The following SLC35B4 variants were observed in gnomAD, a reference collection of about 807,000 sequenced individuals.
The protein encoded by SLC35B4 is solute carrier family 35 member B4.
Under a neutral mutation model 39.5 loss-of-function variants are expected in SLC35B4, and 28 were observed. The observed-to-expected ratio is 0.71, with a 90% CI of 0.53 to 0.97. The LOEUF is 0.97. SLC35B4 is among the 50% of genes least tolerant of loss of function. The pLI, the probability that SLC35B4 is intolerant of heterozygous loss-of-function variation, is 0.00. For missense variants in SLC35B4, 334 were observed against 414.3 expected, an observed-to-expected ratio of 0.81 and a Z score of 1.68; for synonymous variants, 145 against 150.4, an observed-to-expected ratio of 0.96 and a Z score of 0.26.
At chr7:134,319,088 G>T (rs1804057352), upstream of SLC35B4, among the ~76,000 whole-genome samples, 1 of 152,150 alleles carries the variant, frequency 6.6e-6, no homozygotes, top group African/African-American at 2.4e-5. Context: ...TTTGCTCAGA[G>T]AACTCTTGCT....
intron 1 of SLC35B4, among the ~76,000 whole-genome samples, chr7:134,316,265 C>T (rs1424200679): frequency 6.6e-6 from 1 of 152,160 alleles, no homozygotes; most frequent in Non-Finnish European, 1.5e-5. Flanking sequence ...GAAAAAAGAG[C>T]TAGAGTTGGA....
chr7:134,294,669 T>A lies in SLC35B4; in HGVS notation c.*164A>T, dbSNP rs890115128. On this transcript the variant is annotated 3_prime_UTR_variant, in exon 10 of 10. Transcript: ENST00000378509. ...CTGAGGGGTTTCTATTTAGTCTACA[T>A]GTGTCAGTCTGAGCAACGTGAGAAG... 19 of 758,784 alleles carry A rather than the reference T, an allele frequency of 2.5e-5. No individual in the cohort carries two copies. The Admixed American group carries it at 5.5e-4, about 22-fold the overall frequency. The allele number at this position is 758,784 out of a possible 1,614,324, so 47.0% of individuals were successfully genotyped here.
chr7:134,293,792 CTTTTTT>C lies in SLC35B4; in HGVS notation c.*1035_*1040del. The C allele has an allele frequency of 7.4e-6, 1 of 135,372 alleles. No homozygotes were observed. The highest frequency in any genetic ancestry group is 1.6e-5 in the Non-Finnish European group (1 of 61,894). The allele number at this position is 135,372 out of a possible 1,614,324, so 8.4% of individuals were successfully genotyped here. A position where few individuals can be genotyped will look rare whatever the true frequency, so the allele number is the denominator to read the frequency against. On this transcript the variant is annotated 3_prime_UTR_variant, in exon 10 of 10. Coordinates refer to ENST00000378509, the MANE Select transcript of SLC35B4 (RefSeq NM_032826.5). ...GGGTGTCCAGTCCATAACAACCTTT[CTTTTTT>C]TTTTTTTTTTTTGAGATAGAGTCTC...
At position 134,309,482 on chromosome 7, in the gene SLC35B4, G is replaced by A. The variant is rs1803785976; in HGVS notation, c.78-3C>T. On this transcript the variant is annotated splice_polypyrimidine_tract_variant and splice_region_variant and intron_variant, in intron 1 of 9. Transcript: ENST00000378509. ...TGTTCCCACATCCTGGATGCTTCCTGTATAGTGAATAATAAAAGAGGGGGT... is the reference window on the plus strand; with the variant it reads ...TGTTCCCACATCCTGGATGCTTCCTATATAGTGAATAATAAAAGAGGGGGT... The A allele has an allele frequency of 6.2e-7, 1 of 1,600,530 alleles. No homozygotes were observed. Among genetic ancestry groups the A allele is most frequent in the Non-Finnish European group, 8.5e-7 (1 of 1,173,446 alleles).
chr7:134,296,449 C>T lies in SLC35B4; in HGVS notation c.691G>A (p.Val231Ile), dbSNP rs201280825. 176 of 1,613,428 alleles carry T rather than the reference C, an allele frequency of 1.1e-4. No homozygotes were observed. Among genetic ancestry groups the T allele is most frequent in the South Asian group, 3.1e-4 (28 of 90,936 alleles). The change falls in exon 9 of 10, where the codon GTC (valine) becomes ATC (isoleucine). Residue 231 changes from valine (V) to isoleucine (I), a missense_variant. By Grantham distance (29) the Val-to-Ile change is conservative. Coordinates refer to ENST00000378509, the MANE Select transcript of SLC35B4 (RefSeq NM_032826.5). ...ATGATGGGCAGGGTCACTCCGATGA[C>T]GGGAATTTCATATAACTCTGTAGAG... ...FNKSELYEIP[V>I]IGVTLPIMWF...
intron 8 of SLC35B4, 134 bp from the exon 9 acceptor site, chr7:134,296,600 G>A (rs993483580): frequency 1.9e-5 from 12 of 624,848 alleles, no homozygotes; most frequent in African/African-American, 5.5e-5. Flanking sequence ...ATTGGATCAC[G>A]CATCACTTTA....
At chr7:134,300,427 T>C (rs1389164652) in intron 6 of SLC35B4, among the ~76,000 whole-genome samples, 166 bp from the exon 7 acceptor site, 2 of 152,246 alleles carry the variant, frequency 1.3e-5, no homozygotes, top group Non-Finnish European at 2.9e-5. Flanking sequence ...TCTAGTCCTT[T>C]ACAGCTTTCT....
chr7:134,299,506 T>C lies in SLC35B4; in HGVS notation c.673+17A>G. On this transcript the variant is annotated intron_variant, in intron 8 of 9. Transcript: ENST00000378509. ...CAGAAACTGTCAGGTAATTCTACTGTCTAACCCCAAACTCACCAGACTTAT... is the reference window on the plus strand; with the variant it reads ...CAGAAACTGTCAGGTAATTCTACTGCCTAACCCCAAACTCACCAGACTTAT... 1.2e-6 allele frequency: 2 copies of C among 1,604,536 alleles called. No homozygotes were observed. The highest frequency in any genetic ancestry group is 1.7e-6 in the Non-Finnish European group (2 of 1,171,584).
chr7:134,318,901 C>A (rs770186307), upstream of SLC35B4, among the ~76,000 whole-genome samples: 3 of 152,196 alleles, frequency 2.0e-5, no homozygotes, highest in Non-Finnish European at 4.4e-5. Flanking sequence ...ATGTTAATCA[C>A]TTGGGGATCT....
upstream of SLC35B4, among the ~76,000 whole-genome samples, chr7:134,318,559 G>T (rs902082517): frequency 6.6e-6 from 1 of 152,032 alleles, no homozygotes; most frequent in Non-Finnish European, 1.5e-5. Context: ...TGGACTATCT[G>T]GGAGTGAGGC....
At chr7:134,300,613 C>A (rs1006143296) in intron 6 of SLC35B4, among the ~76,000 whole-genome samples, 2 of 152,094 alleles carry the variant, frequency 1.3e-5, no homozygotes, top group Non-Finnish European at 2.9e-5. Flanking sequence ...GGATGTAGCA[C>A]ACTTAAATGT....
In SLC35B4 at chr7:134,293,057, C is replaced by A. The variant is rs1230632119; in HGVS notation, c.*1776G>T. On this transcript the variant is annotated 3_prime_UTR_variant, in exon 10 of 10. Coordinates refer to ENST00000378509, the MANE Select transcript of SLC35B4 (RefSeq NM_032826.5). ...GAATAGCTCTGGACAGTGGAATAAA[C>A]ATACCACACCATGGAATGAGCCCAG... is the stretch of plus-strand genomic sequence containing the variant. 2.0e-5 allele frequency: 3 copies of A among 152,212 alleles called. No individual in the cohort carries two copies. The highest frequency in any genetic ancestry group is 4.4e-5 in the Non-Finnish European group (3 of 68,062). 9.4% of individuals were successfully genotyped at this position (152,212 alleles called of 1,614,324 possible).
At chr7:134,299,266 C>T in intron 8 of SLC35B4, 1 of 390,622 alleles carries the variant, frequency 2.6e-6, no homozygotes, top group Non-Finnish European at 4.7e-6. Context: ...AAACATTTCA[C>T]ATTCAAATGC....
intron 4 of SLC35B4, 141 bp from the exon 5 acceptor site, chr7:134,302,251 C>A: frequency 1.5e-6 from 1 of 678,816 alleles, no homozygotes; most frequent in Non-Finnish European, 2.5e-6. Context: ...GCAGAGTCCA[C>A]AGAAGTATGC....
rs76621462 is a variant in SLC35B4, at chr7:134,309,454, C to T, written c.103G>A (p.Val35Met). The T allele has an allele frequency of 2.5e-6, 4 of 1,610,620 alleles. No individual in the cohort carries two copies. The highest frequency in any genetic ancestry group is 2.5e-6 in the Non-Finnish European group (3 of 1,179,488). Reference sequence around the variant, plus strand: ...ATAAATAAAAATTGTGCAAATGTCACAATGTTCCCACATCCTGGATGCTTC... The same window carrying T: ...ATAAATAAAAATTGTGCAAATGTCATAATGTTCCCACATCCTGGATGCTTC... ...ARKHPGCGNIVTFAQFLFIAV... is the reference protein window; with the variant it reads ...ARKHPGCGNIMTFAQFLFIAV... Residue 35 changes from valine to methionine, a missense_variant, in exon 2 of 10, where the codon GTG (valine) becomes ATG (methionine). By Grantham distance (21) the Val-to-Met change is conservative. Transcript: ENST00000378509.
At chr7:134,304,400 G>GA (rs1489402491) in intron 4 of SLC35B4, among the ~76,000 whole-genome samples, 6 of 149,882 alleles carry the variant, frequency 4.0e-5, no homozygotes, top group Non-Finnish European at 7.4e-5. Flanking sequence ...CCAAAAAAAA[G>GA]AAAAAAAAAT....
upstream of SLC35B4, among the ~76,000 whole-genome samples, chr7:134,318,838 CT>C (rs1804052745): frequency 1.3e-5 from 2 of 152,334 alleles, no homozygotes; most frequent in African/African-American, 4.8e-5. Context: ...ATCTTTCTTC[CT>C]TCCTCCACAT....
chr7:134,294,903 A>G lies in SLC35B4; in HGVS notation c.926T>C (p.Met309Thr). 1 of 1,614,176 alleles carries G rather than the reference A, an allele frequency of 6.2e-7. No individual in the cohort carries two copies. Among genetic ancestry groups the G allele is most frequent in the Non-Finnish European group, 8.5e-7 (1 of 1,180,042 alleles). Reference sequence around the variant, plus strand: ...TAGGTTGTTCCACACCTCTGTGTACATTAAGGTCCCAATGAAGACAAACAA... The same window carrying G: ...TAGGTTGTTCCACACCTCTGTGTACGTTAAGGTCCCAATGAAGACAAACAA... ...GTLFVFIGTL[M>T]YTEVWNNLGT... The change falls in exon 10 of 10, where the codon ATG becomes ACG. Residue 309 changes from methionine to threonine, a missense_variant. Met to Thr is a moderately conservative substitution (Grantham distance 81, BLOSUM62 -1). Coordinates refer to ENST00000378509, the MANE Select transcript of SLC35B4 (RefSeq NM_032826.5).
At chr7:134,310,637 C>T (rs1464703002) in intron 1 of SLC35B4, among the ~76,000 whole-genome samples, 1 of 151,816 alleles carries the variant, frequency 6.6e-6, no homozygotes, top group Non-Finnish European at 1.5e-5. Flanking sequence ...CTCCGCCTCC[C>T]GGGTTCGTGC....
Sources: allele counts gnomAD v4.1 joint callset (sites outside exome capture counted in the v4.1 genomes callset), GRCh38; gene constraint gnomAD v4.1.1; transcripts MANE v1.5; gene names NCBI Gene and HGNC (gene_info 2026-07-23, HGNC 2026-07-21).